JAZF1: variants seen among roughly 807,000 people sequenced by gnomAD.
The protein encoded by JAZF1 is juxtaposed with another zinc finger protein 1.
JAZF1 carries 8 observed loss-of-function variants against 26.4 expected under a neutral mutation model. That is an observed-to-expected ratio of 0.30 (90% CI 0.18 to 0.55). The LOEUF (loss-of-function observed/expected upper bound fraction) is 0.55, where lower values mean the gene tolerates loss of function less well. Among genes scored for constraint, JAZF1 ranks in the 20% least tolerant of loss-of-function variants. The pLI is 0.94. For synonymous variants in JAZF1, 126 were observed against 122.3 expected, an observed-to-expected ratio of 1.03 and a Z score of -0.20; for missense variants, 199 against 322.0, an observed-to-expected ratio of 0.62 and a Z score of 2.92.
At chr7:27,921,335 CTTTTTT>C (rs111359758) in intron 2 of JAZF1, among the ~76,000 whole-genome samples, 1 of 139,728 alleles carries the variant, frequency 7.2e-6, no homozygotes, top group Non-Finnish European at 1.6e-5. Flanking sequence ...CAGCAAGTAT[CTTTTTT>C]TTTTTTTTTC....
chr7:28,077,396 G>A (rs1784068865), intron 1 of JAZF1, among the ~76,000 whole-genome samples: 1 of 152,068 alleles, frequency 6.6e-6, no homozygotes, highest in African/African-American at 2.4e-5. Flanking sequence ...GATTTAGAAA[G>A]GCAATTAGGC....
In JAZF1 at chr7:27,831,774, G is replaced by A. The variant is rs755543552; in HGVS notation, c.*1026C>T. ...ACAAAAGTGTTCATCTTTGAAACGT[G>A]CTTAGAATTTTAGTTCTGATTTGCA... On this transcript the variant is annotated 3_prime_UTR_variant, in exon 5 of 5. Coordinates refer to ENST00000283928, the MANE Select transcript of JAZF1 (RefSeq NM_175061.4). 2.8e-4 allele frequency: 62 copies of A among 223,152 alleles called. No individual in the cohort carries two copies. The highest frequency in any genetic ancestry group is 4.6e-4 in the Non-Finnish European group (51 of 111,608). 13.8% of individuals were successfully genotyped at this position (223,152 alleles called of 1,614,324 possible). A position where few individuals can be genotyped will look rare whatever the true frequency, so the allele number is the denominator to read the frequency against.
intron 2 of JAZF1, among the ~76,000 whole-genome samples, chr7:27,900,841 A>AT (rs1461456221): frequency 6.6e-6 from 1 of 152,200 alleles, no homozygotes; most frequent in African/African-American, 2.4e-5. Context: ...AAATAAAGGT[A>AT]TTTTTTAAAA....
chr7:27,965,800 A>G (rs1297714217), intron 2 of JAZF1, among the ~76,000 whole-genome samples: 2 of 152,220 alleles, frequency 1.3e-5, no homozygotes, highest in Non-Finnish European at 2.9e-5. Context: ...AAAGAAATTC[A>G]TTCCTGCACA....
chr7:27,887,327 A>G (rs1712234695), intron 3 of JAZF1, among the ~76,000 whole-genome samples: 1 of 152,224 alleles, frequency 6.6e-6, no homozygotes, highest in African/African-American at 2.4e-5. Context: ...ACAAGGATCA[A>G]ATTAGATGGT....
chr7:28,030,957 T>C (rs1436315227), intron 1 of JAZF1, among the ~76,000 whole-genome samples: 2 of 152,202 alleles, frequency 1.3e-5, no homozygotes, highest in Non-Finnish European at 2.9e-5. Context: ...TGTGTCATTA[T>C]TCATACCAAC....
intron 2 of JAZF1, among the ~76,000 whole-genome samples, chr7:27,898,677 C>T (rs1784113333): frequency 6.6e-6 from 1 of 152,148 alleles, no homozygotes; most frequent in African/African-American, 2.4e-5. Flanking sequence ...ACAAACCCCA[C>T]CTTCACCCTC....
At chr7:28,143,058 T>C (rs932017880) in intron 1 of JAZF1, among the ~76,000 whole-genome samples, 5 of 152,156 alleles carry the variant, frequency 3.3e-5, no homozygotes, top group African/African-American at 1.2e-4. Context: ...TGCTCTGCAG[T>C]CTCTGAGAGA....
chr7:28,001,820 G>A (rs1465700931), intron 1 of JAZF1, among the ~76,000 whole-genome samples: 5 of 152,036 alleles, frequency 3.3e-5, no homozygotes, highest in African/African-American at 9.7e-5. Flanking sequence ...ACTGGGCGGG[G>A]GCGGGAAACT....
At chr7:27,985,107 C>G (rs1785671819) in intron 2 of JAZF1, among the ~76,000 whole-genome samples, 1 of 152,060 alleles carries the variant, frequency 6.6e-6, no homozygotes, top group East Asian at 1.9e-4. Context: ...AAGATCAGAG[C>G]AGAACTGAAG....
At chr7:28,110,002 A>T (rs1784616515) in intron 1 of JAZF1, among the ~76,000 whole-genome samples, 1 of 152,210 alleles carries the variant, frequency 6.6e-6, no homozygotes, top group African/African-American at 2.4e-5. Context: ...TACACTAGAT[A>T]TTTTTTTAAG....
rs61639507 is a variant in JAZF1, at chr7:27,849,968, ACTAC to A, written c.386-9105_386-9102del. ...CGTGGAGATGGCCCAATTCTGTTTTACTACCTAAAGAGTTCTCATTCTTCATAGT... is the reference window on the plus strand; with the variant it reads ...CGTGGAGATGGCCCAATTCTGTTTTACTAAAGAGTTCTCATTCTTCATAGT... On this transcript the variant is annotated intron_variant, in intron 3 of 4. Coordinates refer to ENST00000283928, the MANE Select transcript of JAZF1 (RefSeq NM_175061.4). Among the ~76,000 whole-genome samples, 958 of 152,282 alleles carry A rather than the reference ACTAC, an allele frequency of 6.3e-3. 10 individuals are homozygous for A. Among genetic ancestry groups the A allele is most frequent in the African/African-American group, 0.022 (912 of 41,556 alleles).
chr7:28,160,173 G>T (rs1783261770), intron 1 of JAZF1, among the ~76,000 whole-genome samples: 1 of 152,000 alleles, frequency 6.6e-6, no homozygotes, highest in Non-Finnish European at 1.5e-5. Context: ...CTCATGAGGA[G>T]GGATGGGAAT....
At chr7:28,048,031 G>A (rs1273368648) in intron 1 of JAZF1, among the ~76,000 whole-genome samples, 6 of 152,148 alleles carry the variant, frequency 3.9e-5, no homozygotes, top group Admixed American at 1.3e-4. Flanking sequence ...CCCTAGTATC[G>A]TTGAGGAGGA....
chr7:28,011,136 G>A (rs981136365), intron 1 of JAZF1, among the ~76,000 whole-genome samples: 1 of 152,116 alleles, frequency 6.6e-6, no homozygotes, highest in Non-Finnish European at 1.5e-5. Context: ...AATTTTAGCG[G>A]GCAAAATATT....
intron 3 of JAZF1, among the ~76,000 whole-genome samples, chr7:27,852,087 T>A (rs1234666719): frequency 6.6e-6 from 1 of 151,912 alleles, no homozygotes; most frequent in Non-Finnish European, 1.5e-5. Context: ...TTGCCTAGAC[T>A]CCTAGGTTTT....
chr7:28,124,556 G>A (rs1202691463), intron 1 of JAZF1, among the ~76,000 whole-genome samples: 4 of 152,150 alleles, frequency 2.6e-5, no homozygotes, highest in African/African-American at 2.4e-5. Flanking sequence ...CCACAGAGGG[G>A]GCTGAGCCAG....
At chr7:27,886,625 T>C (rs190788918) in intron 3 of JAZF1, among the ~76,000 whole-genome samples, 25 of 152,380 alleles carry the variant, frequency 1.6e-4, no homozygotes, top group African/African-American at 6.0e-4. Context: ...ATTAATCATC[T>C]GTGCTAATGT....
chr7:27,854,358 G>A (rs1486805828), intron 3 of JAZF1, among the ~76,000 whole-genome samples: 1 of 152,188 alleles, frequency 6.6e-6, no homozygotes, highest in Non-Finnish European at 1.5e-5. Context: ...GGGGCATTCA[G>A]CCTGTTTGCA....
Sources: allele counts gnomAD v4.1 joint callset (sites outside exome capture counted in the v4.1 genomes callset), GRCh38; gene constraint gnomAD v4.1.1; transcripts MANE v1.5; gene names NCBI Gene and HGNC (gene_info 2026-07-23, HGNC 2026-07-21).